Variants in HSD17B3 observed in about 807,000 individuals in gnomAD.
The protein encoded by HSD17B3 is hydroxysteroid 17-beta dehydrogenase 3, also known as 17-beta-hydroxysteroid dehydrogenase type 3.
A neutral mutation model predicts 41.1 loss-of-function variants in HSD17B3; 29 were observed. That is an observed-to-expected ratio of 0.71 (90% CI 0.53 to 0.96). The LOEUF (loss-of-function observed/expected upper bound fraction) is 0.96, where lower values mean the gene tolerates loss of function less well. Ranked by LOEUF, HSD17B3 falls within the 40% of genes least tolerant of loss-of-function variation. The pLI is 0.00. For synonymous variants in HSD17B3, 126 were observed against 145.6 expected, an observed-to-expected ratio of 0.87 and a Z score of 0.97; for missense variants, 323 against 374.6, an observed-to-expected ratio of 0.86 and a Z score of 1.14.
At chr9:96,280,577 A>G (rs1462054761) in intron 2 of HSD17B3, among the ~76,000 whole-genome samples, 1 of 152,194 alleles carries the variant, frequency 6.6e-6, no homozygotes, top group African/African-American at 2.4e-5. Flanking sequence ...CACAAGGGAC[A>G]GTGCAATAGG....
Position 96,258,893 on chromosome 9 carries a change from G to A in HSD17B3, c.202-3950C>T, listed in dbSNP as rs530381092. 2.6e-5 allele frequency among the ~76,000 whole-genome samples: 4 copies of A among 152,238 alleles called. No homozygotes were observed. The East Asian group carries it at 5.8e-4, about 22-fold the overall frequency. ...TGTAACAAATAACTCTGCAATTTCA[G>A]CAGTTTAACACAAAAGAAGTCTGTT... On this transcript the variant is annotated intron_variant, in intron 2 of 10. Transcript: ENST00000375263.
chr9:96,271,791 C>A (rs1035062988), intron 2 of HSD17B3, among the ~76,000 whole-genome samples: 5 of 152,114 alleles, frequency 3.3e-5, no homozygotes, highest in Admixed American at 2.0e-4. Flanking sequence ...ACATCTATAG[C>A]AACATGTAAC....
At chr9:96,294,872 AAGTTGCTATAC>A (rs1827286441) in intron 2 of HSD17B3, among the ~76,000 whole-genome samples, 2 of 152,286 alleles carry the variant, frequency 1.3e-5, no homozygotes, top group South Asian at 4.1e-4. Flanking sequence ...GTTCACCAGT[AAGTTGCTATAC>A]ATGAATTAGA....
chr9:96,299,210 T>C (rs1418434429), intron 1 of HSD17B3, among the ~76,000 whole-genome samples: 1 of 152,206 alleles, frequency 6.6e-6, no homozygotes, highest in African/African-American at 2.4e-5. Context: ...AAACTTACAA[T>C]TTACCCTTGC....
chr9:96,301,307 G>A (rs1046340893), intron 1 of HSD17B3, among the ~76,000 whole-genome samples: 1 of 151,638 alleles, frequency 6.6e-6, no homozygotes, highest in Admixed American at 6.6e-5. Flanking sequence ...GGCTGGGTGC[G>A]GTGGCTCACG....
intron 2 of HSD17B3, among the ~76,000 whole-genome samples, chr9:96,278,898 A>T (rs1826578055): frequency 6.6e-6 from 1 of 152,198 alleles, no homozygotes; most frequent in African/African-American, 2.4e-5. Context: ...AGAGTCAGGA[A>T]CCTGTTCTTG....
intron 2 of HSD17B3, among the ~76,000 whole-genome samples, chr9:96,278,120 A>C (rs1328490564): frequency 6.6e-6 from 1 of 152,188 alleles, no homozygotes; most frequent in Non-Finnish European, 1.5e-5. Context: ...AGGGACACAA[A>C]GTTTCAGTTA....
At chr9:96,259,702 C>G (rs746975533) in intron 2 of HSD17B3, among the ~76,000 whole-genome samples, 2 of 146,138 alleles carry the variant, frequency 1.4e-5, no homozygotes, top group Non-Finnish European at 3.0e-5. Context: ...GCCTGGGCGA[C>G]AGAACAAGAC....
intron 2 of HSD17B3, among the ~76,000 whole-genome samples, chr9:96,267,624 G>GA (rs1197042893): frequency 1.3e-5 from 2 of 151,466 alleles, no homozygotes; most frequent in African/African-American, 4.9e-5. Flanking sequence ...TAGCAAAAAT[G>GA]AAAAAAATTT....
chr9:96,277,837 A>G (rs1426527612), intron 2 of HSD17B3, among the ~76,000 whole-genome samples: 36 of 45,730 alleles, frequency 7.9e-4, no homozygotes, highest in Middle Eastern at 0.012. Context: ...AAAATGTGGC[A>G]CACACACACA....
intron 10 of HSD17B3, among the ~76,000 whole-genome samples, chr9:96,240,303 G>A (rs544434079): frequency 1.3e-5 from 2 of 152,200 alleles, no homozygotes; most frequent in African/African-American, 4.8e-5. Flanking sequence ...TGCACACAGC[G>A]TCATGTCCGT....
intron 10 of HSD17B3, among the ~76,000 whole-genome samples, chr9:96,237,355 G>A (rs903679635): frequency 1.3e-5 from 2 of 152,158 alleles, no homozygotes; most frequent in African/African-American, 4.8e-5. Context: ...TTAAATTCTA[G>A]CTTCACCATT....
chr9:96,235,351 C>T lies in HSD17B3; in HGVS notation c.*109G>A, dbSNP rs932155690. The stretch of plus-strand genomic sequence containing the variant: ...ATTCTATGCCTCTGTGACCCCAGCC[C>T]CCTCCATCTTCAGCGGACTAGGTTG... On this transcript the variant is annotated 3_prime_UTR_variant, in exon 11 of 11. Transcript: ENST00000375263. 2 of 776,194 alleles carry T rather than the reference C, an allele frequency of 2.6e-6. No individual in the cohort carries two copies. Among genetic ancestry groups the T allele is most frequent in the African/African-American group, 3.4e-5 (2 of 58,438 alleles). The allele number at this position is 776,194 out of a possible 1,614,324, so 48.1% of individuals were successfully genotyped here. A position where few individuals can be genotyped will look rare whatever the true frequency, so the allele number is the denominator to read the frequency against.
intron 2 of HSD17B3, among the ~76,000 whole-genome samples, chr9:96,257,949 C>T (rs566323998): frequency 2.6e-5 from 4 of 152,266 alleles, no homozygotes; most frequent in Admixed American, 2.6e-4. Flanking sequence ...CAGGGGTGAG[C>T]CACCCCACCC....
chr9:96,241,619 A>G (rs754705480), intron 9 of HSD17B3, among the ~76,000 whole-genome samples: 1 of 152,160 alleles, frequency 6.6e-6, no homozygotes, highest in Non-Finnish European at 1.5e-5. Flanking sequence ...CCTTATTCCC[A>G]GAACAAAGGG....
chr9:96,236,510 C>G (rs1048723123), intron 10 of HSD17B3, among the ~76,000 whole-genome samples: 1 of 114,870 alleles, frequency 8.7e-6, no homozygotes, highest in African/African-American at 4.2e-5. Flanking sequence ...GAGCGAGAGT[C>G]TGTCATAAAT....
chr9:96,288,546 C>T (rs984491059), intron 2 of HSD17B3, among the ~76,000 whole-genome samples: 1 of 151,970 alleles, frequency 6.6e-6, no homozygotes, highest in African/African-American at 2.4e-5. Flanking sequence ...CTTGGGAGGC[C>T]GAGGCAGGAG....
chr9:96,240,952 A>G (rs758063834), intron 9 of HSD17B3, 45 bp from the exon 10 acceptor site: 1 of 1,612,052 alleles, frequency 6.2e-7, no homozygotes, highest in South Asian at 1.1e-5. Flanking sequence ...AATCCACCCC[A>G]GGAAGAAGAC....
At chr9:96,258,779 A>G (rs1271172669) in intron 2 of HSD17B3, among the ~76,000 whole-genome samples, 1 of 152,064 alleles carries the variant, frequency 6.6e-6, no homozygotes, top group African/African-American at 2.4e-5. Context: ...TTCAAATCTC[A>G]TATAGTCTTC....
Sources: gnomAD v4.1 joint callset for allele counts (sites outside exome capture counted in the v4.1 genomes callset) on GRCh38, gnomAD v4.1.1 for gene constraint, MANE v1.5 for transcripts, NCBI Gene and HGNC (gene_info 2026-07-23, HGNC 2026-07-21) for gene names.